Variants in FBN1 observed in about 807,000 individuals in gnomAD.
FBN1 encodes fibrillin-1.
A neutral mutation model predicts 365.1 loss-of-function variants in FBN1; 29 were observed. The ratio of observed to expected loss-of-function variants is 0.08; its 90% CI spans 0.06 to 0.11. FBN1 has a LOEUF of 0.11. Ranked by LOEUF, FBN1 falls within the 10% of genes least tolerant of loss-of-function variation. The pLI, the probability that FBN1 is intolerant of heterozygous loss-of-function variation, is 1.00. For synonymous variants in FBN1, 1,210 were observed against 1,270.5 expected (o/e 0.95, Z 1.01); for missense variants, 2,476 against 3,703.2 (o/e 0.67, Z 8.60).
intron 6 of FBN1, among the ~76,000 whole-genome samples, chr15:48,566,880 T>G (rs2044261742): frequency 6.6e-6 from 1 of 152,218 alleles, no homozygotes. Context: ...CAGGGTTATT[T>G]AAAAATCACA....
intron 35 of FBN1, among the ~76,000 whole-genome samples, chr15:48,471,167 C>A (rs1163848070): frequency 6.6e-6 from 1 of 151,876 alleles, no homozygotes; most frequent in African/African-American, 2.4e-5. Flanking sequence ...AGGGAACTGT[C>A]ATAATTAGTT....
In FBN1 at chr15:48,495,473, G is replaced by A. The variant is rs1487696125; in HGVS notation, c.2535C>T (p.Cys845=). 5 of 1,613,964 alleles carry A rather than the reference G, an allele frequency of 3.1e-6. No homozygotes were observed. The highest frequency in any genetic ancestry group is 4.2e-6 in the Non-Finnish European group (5 of 1,179,946). Residue 845 remains cysteine, a synonymous_variant, in exon 21 of 66, where the codon TGC becomes TGT. Transcript: ENST00000316623. ...ESTLDPTKTI[C]IETIKGTCWQ... ...CATTCTCAGAAAGATAAATACCTATGCAGATGGTTTTTGTTGGATCCAAAG... is the reference window on the plus strand; with the variant it reads ...CATTCTCAGAAAGATAAATACCTATACAGATGGTTTTTGTTGGATCCAAAG...
intron 60 of FBN1, among the ~76,000 whole-genome samples, chr15:48,424,894 G>C (rs562664412): frequency 5.3e-5 from 8 of 152,162 alleles, no homozygotes; most frequent in Admixed American, 1.3e-4. Context: ...CTACAGGGCA[G>C]AAATAGACTT....
Position 48,600,250 on chromosome 15 carries a change from G to C in FBN1, c.347-16C>G, listed in dbSNP as rs752093190. On this transcript the variant is annotated splice_polypyrimidine_tract_variant and intron_variant, in intron 4 of 65. Coordinates refer to ENST00000316623, the MANE Select transcript of FBN1 (RefSeq NM_000138.5). Reference sequence around the variant, plus strand: ...CAGTGTTGTACTTGAAAAAAAAGAAGAAGAATTCACTTTTGCAACTTAAAT... The same window carrying C: ...CAGTGTTGTACTTGAAAAAAAAGAACAAGAATTCACTTTTGCAACTTAAAT... 8.1e-6 allele frequency: 13 copies of C among 1,603,944 alleles called. No homozygotes were observed. Among genetic ancestry groups the C allele is most frequent in the South Asian group, 2.2e-5 (2 of 90,884 alleles).
chr15:48,535,860 T>C (rs1255691325), intron 7 of FBN1, among the ~76,000 whole-genome samples: 2 of 152,232 alleles, frequency 1.3e-5, no homozygotes, highest in African/African-American at 2.4e-5. Flanking sequence ...TCTTGATGTG[T>C]TGAATGTATT....
At position 48,508,679 on chromosome 15, in the gene FBN1, G is replaced by A; in HGVS notation, c.1740C>T (p.Asn580=). 1.9e-6 allele frequency: 3 copies of A among 1,613,748 alleles called. No individual in the cohort carries two copies. Among genetic ancestry groups the A allele is most frequent in the Non-Finnish European group, 2.5e-6 (3 of 1,179,706 alleles). Residue 580 remains asparagine (N), a synonymous_variant, in exon 15 of 66, where the codon AAC becomes AAT. Coordinates refer to ENST00000316623, the MANE Select transcript of FBN1 (RefSeq NM_000138.5). The stretch of plus-strand genomic sequence containing the variant: ...TGATACACATTCCATTAAGGCACAT[G>A]TTCCTTATGCTGCATTCATCCATAT... ...CEDMDECSIR[N]MCLNGMCINE... is the part of the protein sequence containing the mutation.
At chr15:48,513,497 C>T in intron 13 of FBN1, 52 bp downstream of exon 13, 2 of 1,613,466 alleles carry the variant, frequency 1.2e-6, no homozygotes, top group Non-Finnish European at 8.5e-7. Context: ...TTGAAGCCAA[C>T]CCCCAGTTAG....
At position 48,487,372 on chromosome 15, in the gene FBN1, T is replaced by G; in HGVS notation, c.3403A>C (p.Ser1135Arg). ...CCAGGCGGGCATTCACAGCGGTAAC[T>G]TCCCTCTGTGTTATGGCAAACACCA... is the stretch of plus-strand genomic sequence containing the variant. ...RGGVCHNTEG[S>R]YRCECPPGHQ... Residue 1135 changes from serine to arginine, a missense_variant, in exon 28 of 66, where the codon AGT becomes CGT. Physicochemically the swap from Ser to Arg is moderately radical, Grantham distance 110. Transcript: ENST00000316623. The G allele has an allele frequency of 1.2e-6, 2 of 1,614,188 alleles. No homozygotes were observed. The highest frequency in any genetic ancestry group is 1.7e-6 in the Non-Finnish European group (2 of 1,180,020).
At position 48,470,703 on chromosome 15, in the gene FBN1, G is replaced by C. The variant is rs1161494614; in HGVS notation, c.4390C>G (p.Leu1464Val). The C allele has an allele frequency of 6.2e-7, 1 of 1,614,080 alleles. No homozygotes were observed. Among genetic ancestry groups the C allele is most frequent in the South Asian group, 1.1e-5 (1 of 91,052 alleles). ...CACTCACAGCGGAACAGGCCAGGGA[G>C]GTTGTGGCAAGTTCCAAAGACACAG... Reference protein sequence around the residue: ...NICVFGTCHNLPGLFRCECEI... With the variant: ...NICVFGTCHNVPGLFRCECEI... Residue 1464 changes from leucine to valine, a missense_variant, in exon 36 of 66, where the codon CTC becomes GTC. Leu to Val is a conservative substitution (Grantham distance 32, BLOSUM62 1). Coordinates refer to ENST00000316623, the MANE Select transcript of FBN1 (RefSeq NM_000138.5).
intron 10 of FBN1, 71 bp downstream of exon 10, chr15:48,520,588 T>A: frequency 2.5e-6 from 4 of 1,569,654 alleles, no homozygotes; most frequent in Middle Eastern, 3.4e-4. Context: ...TACATCTGCA[T>A]CATGCACATT....
chr15:48,457,844 A>T (rs1231507429), intron 43 of FBN1, among the ~76,000 whole-genome samples: 3 of 152,072 alleles, frequency 2.0e-5, no homozygotes, highest in Non-Finnish European at 4.4e-5. Flanking sequence ...ACAGGATATA[A>T]CCTGCCCAAG....
chr15:48,412,804 C>G, intron 64 of FBN1, 61 bp from the exon 65 acceptor site: 1 of 1,594,828 alleles, frequency 6.3e-7, no homozygotes, highest in Non-Finnish European at 8.6e-7. Context: ...GTAGGTGGTA[C>G]AAGAGTTCTG....
In FBN1 at chr15:48,516,342, A is replaced by T. The variant is rs779113310; in HGVS notation, c.1168T>A (p.Ser390Thr). ...CTCCCAGGAATTACCATAGGAACAG[A>T]GCACAGCTTGTTGAAATCCTCTAGA... ...RATEDFNKLC[S>T]VPMVIPGRPE... The change falls in exon 11 of 66, where the codon TCT (serine) becomes ACT (threonine). Residue 390 changes from serine to threonine, a missense_variant. By Grantham distance (58) the Ser-to-Thr change is moderately conservative. Transcript: ENST00000316623. 3 of 1,613,746 alleles carry T rather than the reference A, an allele frequency of 1.9e-6. No individual in the cohort carries two copies. Among genetic ancestry groups the T allele is most frequent in the Non-Finnish European group, 2.5e-6 (3 of 1,179,924 alleles).
intron 6 of FBN1, among the ~76,000 whole-genome samples, chr15:48,538,665 G>C (rs1375668475): frequency 2.0e-5 from 3 of 151,996 alleles, no homozygotes. Flanking sequence ...ACCAAACCCA[G>C]GTTGTCCCCT....
chr15:48,496,287 C>T, intron 19 of FBN1, 62 bp from the exon 20 acceptor site: 4 of 1,605,158 alleles, frequency 2.5e-6, no homozygotes, highest in South Asian at 1.1e-5. Flanking sequence ...ATCTACTTTG[C>T]TCTTTTACAT....
chr15:48,582,428 A>G (rs1221594873), intron 6 of FBN1, among the ~76,000 whole-genome samples: 1 of 152,170 alleles, frequency 6.6e-6, no homozygotes, highest in Non-Finnish European at 1.5e-5. Flanking sequence ...AATTTTCAAG[A>G]CCTTTTAGAT....
intron 44 of FBN1, among the ~76,000 whole-genome samples, chr15:48,453,510 CA>C (rs1216434937): frequency 6.6e-6 from 1 of 152,022 alleles, no homozygotes; most frequent in East Asian, 1.9e-4. Context: ...AGGGGATACA[CA>C]GGCAAAGCAC....
intron 6 of FBN1, among the ~76,000 whole-genome samples, chr15:48,572,191 C>T (rs548876702): frequency 2.0e-5 from 3 of 152,066 alleles, no homozygotes; most frequent in Non-Finnish European, 4.4e-5. Context: ...ATATGGATTA[C>T]TTTGATATCA....
chr15:48,586,620 T>G (rs922417645), intron 6 of FBN1, among the ~76,000 whole-genome samples: 4 of 152,182 alleles, frequency 2.6e-5, no homozygotes, highest in Admixed American at 2.6e-4. Flanking sequence ...TTTAAAGTAT[T>G]TGAGAACCAA....
Sources: gnomAD v4.1 joint callset for allele counts (sites outside exome capture counted in the v4.1 genomes callset) on GRCh38, gnomAD v4.1.1 for gene constraint, MANE v1.5 for transcripts, NCBI Gene and HGNC (gene_info 2026-07-23, HGNC 2026-07-21) for gene names.